RAB11FIP2: variants seen among roughly 807,000 people sequenced by gnomAD.
RAB11FIP2 encodes the protein rab11 family-interacting protein 2.
RAB11FIP2 carries 16 observed loss-of-function variants against 40.9 expected under a neutral mutation model. The observed-to-expected ratio is 0.39, with a 90% CI of 0.26 to 0.59. The LOEUF (loss-of-function observed/expected upper bound fraction) is 0.59. Among genes scored for constraint, RAB11FIP2 ranks in the 20% least tolerant of loss-of-function variants. RAB11FIP2 has a pLI of 0.53. For missense variants in RAB11FIP2, 532 were observed against 606.2 expected (o/e 0.88, Z 1.28); for synonymous variants, 228 against 213.7 (o/e 1.07, Z -0.58).
chr10:118,006,713 C>A lies in RAB11FIP2; in HGVS notation c.*2285G>T, dbSNP rs1589634723. 6.6e-6 allele frequency: 1 copy of A among 151,998 alleles called. No individual in the cohort carries two copies. Among genetic ancestry groups the A allele is most frequent in the Non-Finnish European group, 1.5e-5 (1 of 67,930 alleles). 9.4% of individuals were successfully genotyped at this position (151,998 alleles called of 1,614,324 possible). A position where few individuals can be genotyped will look rare whatever the true frequency, so the allele number is the denominator to read the frequency against. On this transcript the variant is annotated 3_prime_UTR_variant, in exon 5 of 5. Transcript: ENST00000355624. ...GAGTGAAAATTCACAAACATTAGAA[C>A]AGCAAATTTTCAGGCAGTGATGAAT...
In RAB11FIP2 at chr10:118,007,283, C is replaced by T. The variant is rs576490051; in HGVS notation, c.*1715G>A. ...AAATTGATAAAAGCTATTTTTCCTTCTCCATTTCTTAAAGCATTTAATTTT... is the reference window on the plus strand; with the variant it reads ...AAATTGATAAAAGCTATTTTTCCTTTTCCATTTCTTAAAGCATTTAATTTT... On this transcript the variant is annotated 3_prime_UTR_variant, in exon 5 of 5. Transcript: ENST00000355624. The T allele has an allele frequency of 6.6e-6, 1 of 151,078 alleles. No homozygotes were observed. The highest frequency in any genetic ancestry group is 2.4e-5 in the African/African-American group (1 of 41,188). The allele number at this position is 151,078 out of a possible 1,614,324, so 9.4% of individuals were successfully genotyped here.
intron 3 of RAB11FIP2, among the ~76,000 whole-genome samples, chr10:118,024,342 A>G (rs1407749020): frequency 6.6e-6 from 1 of 152,174 alleles, no homozygotes; most frequent in Non-Finnish European, 1.5e-5. Context: ...GTCTCTTGAT[A>G]TAAAATGAGT....
rs1490095816 is a variant in RAB11FIP2 at position 118,008,520 on chromosome 10, T to C, written c.*478A>G. On this transcript the variant is annotated 3_prime_UTR_variant, in exon 5 of 5. Transcript: ENST00000355624. ...TATATACAAGATACATGAATATATATATATTCATGTACATATGTGTATATA... is the reference window on the plus strand; with the variant it reads ...TATATACAAGATACATGAATATATACATATTCATGTACATATGTGTATATA... 1 of 161,864 alleles carries C rather than the reference T, an allele frequency of 6.2e-6. No homozygotes were observed. Among genetic ancestry groups the C allele is most frequent in the Admixed American group, 5.6e-5 (1 of 17,714 alleles). 10.0% of individuals were successfully genotyped at this position (161,864 alleles called of 1,614,324 possible).
At chr10:118,023,830 G>A (rs1204876101) in intron 3 of RAB11FIP2, among the ~76,000 whole-genome samples, 2 of 152,096 alleles carry the variant, frequency 1.3e-5, no homozygotes, top group South Asian at 2.1e-4. Context: ...AGGGGCTCAC[G>A]CCTGTAATTT....
At chr10:118,044,185 A>G (rs1476130471) in intron 1 of RAB11FIP2, among the ~76,000 whole-genome samples, 1 of 152,220 alleles carries the variant, frequency 6.6e-6, no homozygotes, top group Non-Finnish European at 1.5e-5. Context: ...AAGAAATTGT[A>G]AAAGGTTATT....
At chr10:118,026,939 G>A (rs1480823855) in intron 3 of RAB11FIP2, among the ~76,000 whole-genome samples, 3 of 152,184 alleles carry the variant, frequency 2.0e-5, no homozygotes, top group African/African-American at 7.2e-5. Context: ...CCAAATGTAG[G>A]TCCTTTATCA....
At chr10:118,036,491 A>G (rs1846482849) in intron 3 of RAB11FIP2, among the ~76,000 whole-genome samples, 1 of 152,134 alleles carries the variant, frequency 6.6e-6, no homozygotes, top group Non-Finnish European at 1.5e-5. Flanking sequence ...AGACAACACT[A>G]CCTTGGCAAT....
At chr10:118,016,860 T>TA (rs1213563947) in intron 3 of RAB11FIP2, among the ~76,000 whole-genome samples, 1 of 152,174 alleles carries the variant, frequency 6.6e-6, no homozygotes, top group African/African-American at 2.4e-5. Flanking sequence ...ATCTACCACA[T>TA]AAGACTCCTG....
At chr10:118,027,902 T>C (rs2133173504) in intron 3 of RAB11FIP2, among the ~76,000 whole-genome samples, 1 of 152,264 alleles carries the variant, frequency 6.6e-6, no homozygotes, top group African/African-American at 2.4e-5. Context: ...TGTTCCATGG[T>C]CAAGATCAAG....
At chr10:118,027,992 A>G (rs572817986) in intron 3 of RAB11FIP2, among the ~76,000 whole-genome samples, 1 of 152,194 alleles carries the variant, frequency 6.6e-6, no homozygotes, top group East Asian at 1.9e-4. Flanking sequence ...TTTCCACAGT[A>G]AACTCCATGT....
chr10:118,022,207 C>T (rs1401298804), intron 3 of RAB11FIP2, among the ~76,000 whole-genome samples: 1 of 152,224 alleles, frequency 6.6e-6, no homozygotes, highest in Non-Finnish European at 1.5e-5. Context: ...GCCTCTGCCA[C>T]AGAACTCTCA....
rs1353371146 is a variant in RAB11FIP2 at position 118,045,923 on chromosome 10, T to C, written c.241A>G (p.Ile81Val). Residue 81 changes from isoleucine to valine, a missense_variant, in exon 1 of 5, where the codon ATT becomes GTT. Ile to Val is a conservative substitution (Grantham distance 29, BLOSUM62 3). Coordinates refer to ENST00000355624, the MANE Select transcript of RAB11FIP2 (RefSeq NM_014904.3). ...LLIQGSPEKY[I>V]LFLIVMHRSL... ...CTGTGCATAACTATAAGGAAAAGAATGTATTTCTCTGGACTTCCCTGAATT... is the reference window on the plus strand; with the variant it reads ...CTGTGCATAACTATAAGGAAAAGAACGTATTTCTCTGGACTTCCCTGAATT... 3 of 1,614,200 alleles carry C rather than the reference T, an allele frequency of 1.9e-6. No individual in the cohort carries two copies. Among genetic ancestry groups the C allele is most frequent in the East Asian group, 4.5e-5 (2 of 44,880 alleles).
chr10:118,033,192 G>A (rs544080779), intron 3 of RAB11FIP2, among the ~76,000 whole-genome samples: 2 of 152,134 alleles, frequency 1.3e-5, no homozygotes, highest in African/African-American at 4.8e-5. Context: ...ATATAATATA[G>A]ATTAGCAATT....
chr10:118,044,726 CA>C (rs1213142427), intron 1 of RAB11FIP2, among the ~76,000 whole-genome samples: 1 of 151,958 alleles, frequency 6.6e-6, no homozygotes, highest in East Asian at 1.9e-4. Flanking sequence ...CAGAAAAGAA[CA>C]AGAGAGAGTC....
chr10:118,046,894 G>C lies in RAB11FIP2; in HGVS notation c.-731C>G, dbSNP rs1846655644. 1 of 153,510 alleles carries C rather than the reference G, an allele frequency of 6.5e-6. No homozygotes were observed. The highest frequency in any genetic ancestry group is 1.4e-5 in the Non-Finnish European group (1 of 69,062). 9.5% of individuals were successfully genotyped at this position (153,510 alleles called of 1,614,324 possible). On this transcript the variant is annotated 5_prime_UTR_variant, in exon 1 of 5. Coordinates refer to ENST00000355624, the MANE Select transcript of RAB11FIP2 (RefSeq NM_014904.3). ...GGCTCCTAACACCGGGCGGGCGGCT[G>C]CGGCGGCACTTCCGGGTTGGCCTTC...
At chr10:118,021,627 C>T (rs1048268280) in intron 3 of RAB11FIP2, among the ~76,000 whole-genome samples, 1 of 152,220 alleles carries the variant, frequency 6.6e-6, no homozygotes, top group African/African-American at 2.4e-5. Context: ...ACACAACTCC[C>T]ACCACCAATA....
intron 3 of RAB11FIP2, among the ~76,000 whole-genome samples, chr10:118,016,307 T>G (rs1589638358): frequency 6.6e-6 from 1 of 152,298 alleles, no homozygotes; most frequent in East Asian, 1.9e-4. Flanking sequence ...AAACATGTTT[T>G]AAAAACCTAC....
intron 3 of RAB11FIP2, among the ~76,000 whole-genome samples, chr10:118,031,279 T>G (rs1212784986): frequency 6.6e-6 from 1 of 152,132 alleles, no homozygotes; most frequent in African/African-American, 2.4e-5. Context: ...ATTATAAAAA[T>G]GAAGGTTTAA....
chr10:118,012,622 C>T (rs949773161), intron 4 of RAB11FIP2, among the ~76,000 whole-genome samples: 4 of 151,762 alleles, frequency 2.6e-5, no homozygotes, highest in Non-Finnish European at 5.9e-5. Context: ...ATGCTCATTA[C>T]AAAAATTATT....
Sources: allele counts gnomAD v4.1 joint callset (sites outside exome capture counted in the v4.1 genomes callset), GRCh38; gene constraint gnomAD v4.1.1; transcripts MANE v1.5; gene names NCBI Gene and HGNC (gene_info 2026-07-23, HGNC 2026-07-21).